Variants in ENPP2 observed in about 807,000 individuals in gnomAD.
ENPP2 encodes the protein autotaxin.
Under a neutral mutation model 120.2 loss-of-function variants are expected in ENPP2, and 51 were observed. The ratio of observed to expected loss-of-function variants is 0.42; its 90% CI spans 0.34 to 0.54. The LOEUF is 0.54. ENPP2 is among the 20% of genes least tolerant of loss of function. ENPP2 has a pLI of 0.04. For missense variants in ENPP2, 920 were observed against 1,066.5 expected, an observed-to-expected ratio of 0.86 and a Z score of 1.91; for synonymous variants, 365 against 366.4, an observed-to-expected ratio of 1.00 and a Z score of 0.04.
chr8:119,602,956 C>G (rs967910325), intron 9 of ENPP2, among the ~76,000 whole-genome samples: 4 of 152,274 alleles, frequency 2.6e-5, no homozygotes, highest in African/African-American at 9.6e-5. Context: ...CATCACCATC[C>G]AGCTCACAGG....
intron 1 of ENPP2, among the ~76,000 whole-genome samples, chr8:119,659,463 T>A (rs375132482): frequency 2.6e-5 from 4 of 152,190 alleles, no homozygotes; most frequent in African/African-American, 7.2e-5. Context: ...AAAACCCTGC[T>A]GATGTTATCC....
chr8:119,584,861 G>A (rs1233381139), intron 15 of ENPP2, among the ~76,000 whole-genome samples: 2 of 152,170 alleles, frequency 1.3e-5, no homozygotes, highest in Non-Finnish European at 2.9e-5. Context: ...CACTGAAAGT[G>A]CTTTGGGAAA....
Position 119,607,961 on chromosome 8 carries a change from G to A in ENPP2, c.794C>T (p.Thr265Ile). The A allele has an allele frequency of 6.2e-7, 1 of 1,610,562 alleles. No individual in the cohort carries two copies. The highest frequency in any genetic ancestry group is 8.5e-7 in the Non-Finnish European group (1 of 1,178,066). ...WGGQPLWITA[T>I]KQGVKAGTFF... is the part of the protein sequence containing the mutation. ...TGTTCCAGCTTTCACCCCTTGCTTGGTGGCTGTAATCCATAGCTAATGAGG... is the reference window on the plus strand; with the variant it reads ...TGTTCCAGCTTTCACCCCTTGCTTGATGGCTGTAATCCATAGCTAATGAGG... The change falls in exon 9 of 25, where the codon ACC becomes ATC. Residue 265 changes from threonine to isoleucine, a missense_variant. Coordinates refer to ENST00000075322, the MANE Select transcript of ENPP2 (RefSeq NM_001040092.3).
chr8:119,617,128 G>T, intron 7 of ENPP2, 36 bp downstream of exon 7: 1 of 1,238,582 alleles, frequency 8.1e-7, no homozygotes, highest in Non-Finnish European at 1.2e-6. Flanking sequence ...GATGAAATCA[G>T]CCCTTTGAAT....
intron 19 of ENPP2, among the ~76,000 whole-genome samples, chr8:119,574,618 G>A (rs759353867): frequency 5.3e-5 from 8 of 152,080 alleles, no homozygotes; most frequent in East Asian, 3.9e-4. Flanking sequence ...AATTTGGGTC[G>A]TAGAGACTGG....
At chr8:119,621,927 T>TTTTAATTA (rs1815929186) in intron 3 of ENPP2, among the ~76,000 whole-genome samples, 1 of 152,110 alleles carries the variant, frequency 6.6e-6, no homozygotes, top group African/African-American at 2.4e-5. Flanking sequence ...TTTATTTTTA[T>TTTTAATTA]TTTATTTATT....
chr8:119,593,433 A>C lies in ENPP2; in HGVS notation c.1081+319T>G, dbSNP rs1002365942. On this transcript the variant is annotated intron_variant, in intron 12 of 24. Transcript: ENST00000075322. ...ATAGGAGATTATCACCTGATATGTC[A>C]CATTCACAGAAGAAGCTATTAATGT... is the stretch of plus-strand genomic sequence containing the variant. Among the ~76,000 whole-genome samples, 3 of 152,070 alleles carry C rather than the reference A, an allele frequency of 2.0e-5. No homozygotes were observed. The East Asian group carries it at 5.8e-4, about 29-fold the overall frequency.
At chr8:119,605,243 C>T (rs1446449527) in intron 9 of ENPP2, among the ~76,000 whole-genome samples, 1 of 151,766 alleles carries the variant, frequency 6.6e-6, no homozygotes, top group African/African-American at 2.4e-5. Context: ...GGCTAATTTT[C>T]GTATATTTTG....
At chr8:119,638,244 A>G (rs112538557) in intron 2 of ENPP2, among the ~76,000 whole-genome samples, 181 bp downstream of exon 2, 230 of 152,328 alleles carry the variant, frequency 1.5e-3, no homozygotes, top group African/African-American at 5.3e-3. Flanking sequence ...ATGTTCTCTA[A>G]TGAAAACCAC....
intron 1 of ENPP2, among the ~76,000 whole-genome samples, chr8:119,671,132 C>CAAAAAAAAAAAA (rs371191607): frequency 3.5e-5 from 4 of 115,092 alleles, no homozygotes; most frequent in Admixed American, 9.9e-5. Flanking sequence ...ACTAAAAATA[C>CAAAAAAAAAAAA]AAAAAAAAAA....
upstream of ENPP2, among the ~76,000 whole-genome samples, chr8:119,640,318 T>G (rs554192052): frequency 6.6e-6 from 1 of 152,352 alleles, no homozygotes; most frequent in South Asian, 2.1e-4. Flanking sequence ...TAGCAAGGCT[T>G]ATAAAAGATG....
At chr8:119,657,131 G>T (rs1324845300) in intron 1 of ENPP2, among the ~76,000 whole-genome samples, 1 of 152,008 alleles carries the variant, frequency 6.6e-6, no homozygotes, top group East Asian at 1.9e-4. Flanking sequence ...CACCATGTTG[G>T]CCAGTCTGGT....
In ENPP2 at chr8:119,569,306, G is replaced by A. The variant is rs375770524; in HGVS notation, c.1982C>T (p.Pro661Leu). The A allele has an allele frequency of 5.4e-5, 87 of 1,613,868 alleles. No homozygotes were observed. Among genetic ancestry groups the A allele is most frequent in the Admixed American group, 2.5e-4 (15 of 59,986 alleles). The change falls in exon 21 of 25, where the codon CCG (proline) becomes CTG (leucine). Residue 661 changes from proline (P) to leucine (L), a missense_variant. Physicochemically the swap from Pro to Leu is moderately conservative, Grantham distance 98. Transcript: ENST00000075322. The part of the protein sequence containing the change: ...SCVRPDVRVS[P>L]SFSQNCLAYK... ...GGCCAAACAGTTCTGACTGAAACTC[G>A]GAGAAACACGGACATCAGGCCGGAC... is the stretch of plus-strand genomic sequence containing the variant.
intron 11 of ENPP2, among the ~76,000 whole-genome samples, chr8:119,599,413 AAACCAAGTATGTTT>A (rs772824086): frequency 4.7e-4 from 71 of 152,326 alleles, no homozygotes; most frequent in Non-Finnish European, 7.5e-4. Flanking sequence ...AAAAATACTT[AAACCAAGTATGTTT>A]AACCAAGTAT....
At chr8:119,601,932 G>A (rs971314656) in intron 9 of ENPP2, among the ~76,000 whole-genome samples, 2 of 152,132 alleles carry the variant, frequency 1.3e-5, no homozygotes, top group African/African-American at 4.8e-5. Flanking sequence ...TGTACAGCTT[G>A]GTTGTAAGGA....
At chr8:119,586,408 C>A in intron 14 of ENPP2, 95 bp from the exon 15 acceptor site, 1 of 1,165,338 alleles carries the variant, frequency 8.6e-7, no homozygotes, top group Non-Finnish European at 1.3e-6. Flanking sequence ...GATTTTAAGC[C>A]TAACCAAAGG....
intron 11 of ENPP2, among the ~76,000 whole-genome samples, chr8:119,594,577 C>T (rs1166008122): frequency 6.6e-6 from 1 of 152,094 alleles, no homozygotes; most frequent in Non-Finnish European, 1.5e-5. Flanking sequence ...AGACCATTTC[C>T]AAAGCCTAAA....
At chr8:119,590,395 G>T in intron 13 of ENPP2, 110 bp downstream of exon 13, 1 of 772,648 alleles carries the variant, frequency 1.3e-6, no homozygotes, top group Non-Finnish European at 2.0e-6. Flanking sequence ...TCAGCTAAGC[G>T]GTAGCAGAGC....
chr8:119,572,315 G>C, intron 19 of ENPP2: 2 of 1,189,792 alleles, frequency 1.7e-6, no homozygotes, highest in Non-Finnish European at 2.4e-6. Context: ...AGTTTTCATG[G>C]TTACCACACA....
Sources: allele counts gnomAD v4.1 joint callset (sites outside exome capture counted in the v4.1 genomes callset), GRCh38; gene constraint gnomAD v4.1.1; transcripts MANE v1.5; gene names NCBI Gene and HGNC (gene_info 2026-07-23, HGNC 2026-07-21).